Variants in THEM6 observed in about 807,000 individuals in gnomAD.
The protein encoded by THEM6 is thioesterase superfamily member 6, also known as protein THEM6.
THEM6 carries 10 observed loss-of-function variants against 13.7 expected under a neutral mutation model. That is an observed-to-expected ratio of 0.73 (90% CI 0.45 to 1.24). The LOEUF (loss-of-function observed/expected upper bound fraction) is 1.24, where lower values mean the gene tolerates loss of function less well. Ranked by LOEUF, THEM6 falls within the 50% of genes most tolerant of loss-of-function variation. The probability of loss-of-function intolerance (pLI) is 0.00; values close to 1 mark genes in which losing one functional copy is unlikely to be tolerated. For missense variants in THEM6, 317 were observed against 312.6 expected, an observed-to-expected ratio of 1.01 and a Z score of -0.11; for synonymous variants, 161 against 156.0, an observed-to-expected ratio of 1.03 and a Z score of -0.24.
Position 142,727,279 on chromosome 8 carries a change from AAC to A in THEM6, c.-67_-66del, listed in dbSNP as rs1815506759. 7.2e-7 allele frequency: 1 copy of A among 1,383,928 alleles called. No homozygotes were observed. 85.7% of individuals were successfully genotyped at this position (1,383,928 alleles called of 1,614,324 possible). A position where few individuals can be genotyped will look rare whatever the true frequency, so the allele number is the denominator to read the frequency against. The stretch of plus-strand genomic sequence containing the variant: ...TCCCAGGAGGCCTGGCGGGCACCGT[AAC>A]CAGCGCCGCGGACACCGGCACCGGC... On this transcript the variant is annotated 5_prime_UTR_variant, in exon 1 of 2. Coordinates refer to ENST00000336138, the MANE Select transcript of THEM6 (RefSeq NM_016647.3).
Position 142,727,255 on chromosome 8 carries a change from C to T in THEM6, c.-92C>T. On this transcript the variant is annotated 5_prime_UTR_variant, in exon 1 of 2. Coordinates refer to ENST00000336138, the MANE Select transcript of THEM6 (RefSeq NM_016647.3). ...TCCGGGCGCGCTGCGCTCGTGAGTT[C>T]CCAGGAGGCCTGGCGGGCACCGTAA... 1 of 1,295,238 alleles carries T rather than the reference C, an allele frequency of 7.7e-7. No individual in the cohort carries two copies. Among genetic ancestry groups the T allele is most frequent in the Non-Finnish European group, 1.0e-6 (1 of 1,003,562 alleles). The allele number at this position is 1,295,238 out of a possible 1,614,324, so 80.2% of individuals were successfully genotyped here.
Position 142,735,726 on chromosome 8 carries a change from T to A in THEM6, c.*287T>A. 4.9e-6 allele frequency: 2 copies of A among 411,428 alleles called. No homozygotes were observed. The highest frequency in any genetic ancestry group is 9.2e-6 in the Non-Finnish European group (2 of 218,574). 25.5% of individuals were successfully genotyped at this position (411,428 alleles called of 1,614,324 possible). The stretch of plus-strand genomic sequence containing the variant: ...TGGCCCTACGATGAGGCCACTCATG[T>A]GGGCCTAGGTAGGGGAGGATGGTGC... On this transcript the variant is annotated 3_prime_UTR_variant, in exon 2 of 2. Transcript: ENST00000336138.
At chr8:142,734,966 G>C (rs1815727417) in intron 1 of THEM6, 2 of 235,896 alleles carry the variant, frequency 8.5e-6, no homozygotes, top group Non-Finnish European at 1.7e-5. Flanking sequence ...AACTCAGTGA[G>C]CCCTGTCTGG....
intron 1 of THEM6, among the ~76,000 whole-genome samples, chr8:142,732,852 G>A (rs979093076): frequency 3.3e-5 from 5 of 152,014 alleles, no homozygotes; most frequent in East Asian, 1.9e-4. Context: ...GACCGCCCCC[G>A]CAGGAGAATG....
At chr8:142,732,241 C>G (rs1221393772) in intron 1 of THEM6, among the ~76,000 whole-genome samples, 10 of 130,750 alleles carry the variant, frequency 7.6e-5, no homozygotes, top group Non-Finnish European at 1.3e-4. Flanking sequence ...AGGTTCAACC[C>G]CCTGAAATTA....
chr8:142,728,339 G>T (rs2129987182), intron 1 of THEM6, among the ~76,000 whole-genome samples: 1 of 152,332 alleles, frequency 6.6e-6, no homozygotes, highest in East Asian at 1.9e-4. Context: ...GTTTGGGGTT[G>T]AGGTATTGAG....
chr8:142,730,830 C>T (rs1202181980), intron 1 of THEM6, among the ~76,000 whole-genome samples: 1 of 151,906 alleles, frequency 6.6e-6, no homozygotes, highest in African/African-American at 2.4e-5. Context: ...CCGCAAGCTC[C>T]GCCTCCCGGG....
chr8:142,733,654 C>T (rs759490883), intron 1 of THEM6, among the ~76,000 whole-genome samples: 2 of 152,176 alleles, frequency 1.3e-5, no homozygotes, highest in Non-Finnish European at 2.9e-5. Context: ...CAAAGCTACA[C>T]GGCTCCCTGG....
At chr8:142,728,558 C>G (rs1021928997) in intron 1 of THEM6, among the ~76,000 whole-genome samples, 3 of 152,220 alleles carry the variant, frequency 2.0e-5, no homozygotes, top group Non-Finnish European at 4.4e-5. Context: ...CTGTGCACCC[C>G]TGGTGTGCCC....
Position 142,727,754 on chromosome 8 carries a change from C to T in THEM6, c.408C>T (p.Arg136=). ...ACCGCGCGTTCTACCTGGAGGCGCG[C>T]TTTGTCAGCCTGCGGGACGGCTTCG... is the stretch of plus-strand genomic sequence containing the variant. ...WDDRAFYLEA[R]FVSLRDGFVC... Residue 136 remains arginine, a synonymous_variant, in exon 1 of 2, where the codon CGC becomes CGT. Transcript: ENST00000336138. 1 of 1,452,516 alleles carries T rather than the reference C, an allele frequency of 6.9e-7. No homozygotes were observed. Among genetic ancestry groups the T allele is most frequent in the Non-Finnish European group, 9.0e-7 (1 of 1,111,686 alleles). 90.0% of individuals were successfully genotyped at this position (1,452,516 alleles called of 1,614,324 possible). A position where few individuals can be genotyped will look rare whatever the true frequency, so the allele number is the denominator to read the frequency against.
At chr8:142,734,333 C>T (rs587613876) in intron 1 of THEM6, among the ~76,000 whole-genome samples, 74 of 152,340 alleles carry the variant, frequency 4.9e-4, no homozygotes, top group African/African-American at 1.7e-3. Flanking sequence ...GGCTGAGAGC[C>T]GGGCACGGAG....
rs782241502 is a variant in THEM6, at chr8:142,727,436, C to A, written c.90C>A (p.Ala30=). 13 of 1,550,212 alleles carry A rather than the reference C, an allele frequency of 8.4e-6. No homozygotes were observed. In the Admixed American group the frequency reaches 1.1e-4, roughly 13 times the overall value. The stretch of plus-strand genomic sequence containing the variant: ...GGTACCTGGTGCGCCTTCCGTGCGC[C>A]GTGCTGCGCGCGCGCCTGCTGCAGC... ...DVWYLVRLPC[A]VLRARLLQPR... Residue 30 remains alanine, a synonymous_variant, in exon 1 of 2, where the codon GCC becomes GCA. Transcript: ENST00000336138.
At chr8:142,731,767 G>C (rs587646118) in intron 1 of THEM6, among the ~76,000 whole-genome samples, 1 of 152,164 alleles carries the variant, frequency 6.6e-6, no homozygotes, top group African/African-American at 2.4e-5. Flanking sequence ...ATGCACTGCC[G>C]TCAGTTTCTC....
chr8:142,733,865 A>T (rs1180544159), intron 1 of THEM6, among the ~76,000 whole-genome samples: 2 of 152,210 alleles, frequency 1.3e-5, no homozygotes, highest in Admixed American at 1.3e-4. Flanking sequence ...CATTGATGCC[A>T]TCTGGAAGGG....
In THEM6 at chr8:142,735,595, C is replaced by T. The variant is rs1223715403; in HGVS notation, c.*156C>T. 8 of 630,902 alleles carry T rather than the reference C, an allele frequency of 1.3e-5. No homozygotes were observed. Among genetic ancestry groups the T allele is most frequent in the South Asian group, 1.8e-5 (1 of 55,772 alleles). The allele number at this position is 630,902 out of a possible 1,614,324, so 39.1% of individuals were successfully genotyped here. Reference sequence around the variant, plus strand: ...CACTGGGCCCCCCCAGTTATTGATACCCCTCTGTGCTGGGCTCCACGCTAG... The same window carrying T: ...CACTGGGCCCCCCCAGTTATTGATATCCCTCTGTGCTGGGCTCCACGCTAG... On this transcript the variant is annotated 3_prime_UTR_variant, in exon 2 of 2. Coordinates refer to ENST00000336138, the MANE Select transcript of THEM6 (RefSeq NM_016647.3).
In THEM6 at chr8:142,735,117, G is replaced by A. The variant is rs1815729362; in HGVS notation, c.514-209G>A. On this transcript the variant is annotated intron_variant, in intron 1 of 1. Transcript: ENST00000336138. ...GCTGGGTTCTGGGGATGGCCCCTAG[G>A]GGAGACGGGCCAGGCACAAGCGGGG... 1.8e-5 allele frequency: 10 copies of A among 569,648 alleles called. No individual in the cohort carries two copies. In the South Asian group the frequency reaches 2.1e-4, roughly 12 times the overall value. 35.3% of individuals were successfully genotyped at this position (569,648 alleles called of 1,614,324 possible). A position where few individuals can be genotyped will look rare whatever the true frequency, so the allele number is the denominator to read the frequency against.
chr8:142,732,207 T>TATATA (rs1563822652), intron 1 of THEM6, among the ~76,000 whole-genome samples: 425 of 91,200 alleles, frequency 4.7e-3, no homozygotes, highest in Non-Finnish European at 6.3e-3. Context: ...TATATATATA[T>TATATA]TTTAACTACT....
At chr8:142,732,390 G>C (rs1467749779) in intron 1 of THEM6, among the ~76,000 whole-genome samples, 1 of 150,810 alleles carries the variant, frequency 6.6e-6, no homozygotes, top group African/African-American at 2.4e-5. Flanking sequence ...CCCCAAGGGA[G>C]AATTAGGCCC....
intron 1 of THEM6, among the ~76,000 whole-genome samples, chr8:142,732,072 C>T (rs1456251567): frequency 2.0e-5 from 3 of 149,672 alleles, no homozygotes; most frequent in African/African-American, 4.9e-5. Flanking sequence ...GTTTTCCCCC[C>T]TCTCCTTCCC....
Sources: allele counts gnomAD v4.1 joint callset (sites outside exome capture counted in the v4.1 genomes callset), GRCh38; gene constraint gnomAD v4.1.1; transcripts MANE v1.5; gene names NCBI Gene and HGNC (gene_info 2026-07-23, HGNC 2026-07-21).